Variants in MEMO1 observed in about 807,000 individuals in gnomAD.
MEMO1 encodes the protein mediator of cell motility 1, also known as protein MEMO1.
In MEMO1, 6 loss-of-function variants were observed where a neutral mutation model predicts 45.2. That is an observed-to-expected ratio of 0.13 (90% CI 0.07 to 0.26). MEMO1 has a LOEUF of 0.26. Among genes scored for constraint, MEMO1 ranks in the 10% least tolerant of loss-of-function variants. The pLI, the probability that MEMO1 is intolerant of heterozygous loss-of-function variation, is 1.00. For synonymous variants in MEMO1, 78 were observed against 124.3 expected (o/e 0.63, Z 2.48); for missense variants, 184 against 370.5 (o/e 0.50, Z 4.13).
chr2:32,010,497 A>T, intron 1 of MEMO1: 1 of 327,174 alleles, frequency 3.1e-6, no homozygotes, highest in Non-Finnish European at 5.8e-6. Flanking sequence ...CCGCCGGAAG[A>T]TGGGGCCCAC....
At chr2:31,968,892 A>G (rs924277766) in intron 2 of MEMO1, among the ~76,000 whole-genome samples, 46 of 152,128 alleles carry the variant, frequency 3.0e-4, no homozygotes, top group African/African-American at 1.1e-3. Flanking sequence ...AAATACTTTA[A>G]AAGTCCTGAT....
intron 2 of MEMO1, among the ~76,000 whole-genome samples, chr2:31,961,192 T>C (rs891122900): frequency 4.0e-5 from 6 of 151,794 alleles, no homozygotes; most frequent in African/African-American, 1.5e-4. Flanking sequence ...TCCCCCTCTC[T>C]ACTGAAAATA....
intron 6 of MEMO1, among the ~76,000 whole-genome samples, chr2:31,903,037 C>A (rs1199158336): frequency 6.6e-6 from 1 of 151,822 alleles, no homozygotes; most frequent in Non-Finnish European, 1.5e-5. Context: ...TAATTAAAAT[C>A]TTAAAATTTT....
intron 2 of MEMO1, among the ~76,000 whole-genome samples, chr2:31,985,544 G>A (rs900112890): frequency 1.3e-5 from 2 of 151,986 alleles, no homozygotes; most frequent in African/African-American, 2.4e-5. Flanking sequence ...CAAGTTGGTC[G>A]TGAACTCCTG....
intron 6 of MEMO1, among the ~76,000 whole-genome samples, chr2:31,906,426 C>A (rs981373252): frequency 3.3e-5 from 5 of 151,990 alleles, no homozygotes; most frequent in Non-Finnish European, 7.4e-5. Flanking sequence ...CAAGTTCAAG[C>A]GATTCTCCTT....
chr2:31,898,807 T>C (rs1415689032), intron 6 of MEMO1, among the ~76,000 whole-genome samples: 1 of 152,172 alleles, frequency 6.6e-6, no homozygotes, highest in Non-Finnish European at 1.5e-5. Context: ...ATATTGATAA[T>C]GGGGCGGTAA....
intron 7 of MEMO1, among the ~76,000 whole-genome samples, chr2:31,888,788 G>T (rs1302338002): frequency 1.3e-5 from 2 of 151,976 alleles, no homozygotes; most frequent in East Asian, 3.9e-4. Flanking sequence ...TGAAATGCAG[G>T]GTTTCTTTTT....
intron 4 of MEMO1, among the ~76,000 whole-genome samples, chr2:31,926,439 T>A (rs771130994): frequency 6.6e-6 from 1 of 150,806 alleles, no homozygotes; most frequent in Admixed American, 6.6e-5. Flanking sequence ...TTGTCAATGA[T>A]AAAATTAAGG....
intron 2 of MEMO1, among the ~76,000 whole-genome samples, chr2:31,999,681 A>T (rs1673036496): frequency 6.6e-6 from 1 of 152,132 alleles, no homozygotes. Context: ...AAAAGTCTCC[A>T]GCCACCTCTT....
intron 3 of MEMO1, among the ~76,000 whole-genome samples, chr2:31,938,931 C>T (rs1014297468): frequency 6.6e-6 from 1 of 151,488 alleles, no homozygotes; most frequent in African/African-American, 2.4e-5. Context: ...GGGCTGCAGG[C>T]TCATGCCACC....
intron 2 of MEMO1, among the ~76,000 whole-genome samples, chr2:31,977,391 G>A (rs1007392802): frequency 1.3e-5 from 2 of 152,128 alleles, no homozygotes. Context: ...TAAGCAACAT[G>A]CATGGCTAAA....
intron 2 of MEMO1, among the ~76,000 whole-genome samples, chr2:32,005,374 A>G (rs1673938639): frequency 7.5e-6 from 1 of 133,192 alleles, no homozygotes; most frequent in Non-Finnish European, 1.6e-5. Context: ...TTCCACTGAT[A>G]AAGAATTGGA....
chr2:31,970,600 C>T (rs113843261), intron 2 of MEMO1, among the ~76,000 whole-genome samples: 5 of 151,066 alleles, frequency 3.3e-5, no homozygotes, highest in Admixed American at 6.6e-5. Context: ...CTCATTGACA[C>T]GCAAAATGCA....
Position 31,920,163 on chromosome 2 carries a change from T to TC in MEMO1, c.325+634dup, listed in dbSNP as rs200683082. 6.5e-3 allele frequency among the ~76,000 whole-genome samples: 959 copies of TC among 148,502 alleles called. 8 individuals carry two copies. Among genetic ancestry groups the TC allele is most frequent in the African/African-American group, 0.016 (665 of 40,414 alleles). ...TACTGTTCTATATTTTTAAAATTAC[T>TC]CCCCCCCCCAAAAGAAAAAATACCT... On this transcript the variant is annotated intron_variant, in intron 5 of 9. Coordinates refer to ENST00000404530, the MANE Select transcript of MEMO1 (RefSeq NM_001301833.4).
Position 31,932,144 on chromosome 2 carries a change from C to T in MEMO1, c.144-9G>A, listed in dbSNP as rs1558512998. The T allele has an allele frequency of 6.2e-7, 1 of 1,609,382 alleles. No homozygotes were observed. The highest frequency in any genetic ancestry group is 8.5e-7 in the Non-Finnish European group (1 of 1,177,850). On this transcript the variant is annotated splice_polypyrimidine_tract_variant and intron_variant, in intron 3 of 9. Coordinates refer to ENST00000404530, the MANE Select transcript of MEMO1 (RefSeq NM_001301833.4). The stretch of plus-strand genomic sequence containing the variant: ...ACGTATATCCTGCATGGCTACAAAA[C>T]AAAATATTTTTAAACTTAATCATCA...
At chr2:31,887,810 C>A (rs1399388475) in intron 7 of MEMO1, among the ~76,000 whole-genome samples, 1 of 152,112 alleles carries the variant, frequency 6.6e-6, no homozygotes, top group East Asian at 1.9e-4. Flanking sequence ...AGCTAACTTA[C>A]ACTCAAACCT....
intron 2 of MEMO1, among the ~76,000 whole-genome samples, chr2:31,955,038 C>G (rs1667251440): frequency 6.6e-6 from 1 of 151,756 alleles, no homozygotes; most frequent in Non-Finnish European, 1.5e-5. Context: ...CTCAGGAGTT[C>G]AAGACCAGCC....
At chr2:31,944,654 T>A (rs1404765984) in intron 2 of MEMO1, among the ~76,000 whole-genome samples, 1 of 152,142 alleles carries the variant, frequency 6.6e-6, no homozygotes, top group East Asian at 1.9e-4. Context: ...CTATTATAGG[T>A]CTCCTATACC....
rs182727524 is a variant in MEMO1, at chr2:31,896,189, T to C, written c.438-4055A>G. ...CGAGAAGAAAATAACTTCTAACATA[T>C]AGGAGAGTTTTTAACAAATAGTACT... On this transcript the variant is annotated intron_variant, in intron 6 of 9. Transcript: ENST00000404530. Among the ~76,000 whole-genome samples, 166 of 152,130 alleles carry C rather than the reference T, an allele frequency of 1.1e-3. 1 individual carries two copies. Among genetic ancestry groups the C allele is most frequent in the African/African-American group, 3.9e-3 (163 of 41,500 alleles).
Sources: gnomAD v4.1 joint callset for allele counts (sites outside exome capture counted in the v4.1 genomes callset) on GRCh38, gnomAD v4.1.1 for gene constraint, MANE v1.5 for transcripts, NCBI Gene and HGNC (gene_info 2026-07-23, HGNC 2026-07-21) for gene names.